Variants in ACSM4 observed in about 807,000 individuals in gnomAD.
The protein encoded by ACSM4 is acyl-coenzyme A synthetase ACSM4, mitochondrial.
Under a neutral mutation model 73.0 loss-of-function variants are expected in ACSM4, and 66 were observed. That is an observed-to-expected ratio of 0.90 (90% CI 0.74 to 1.11). The LOEUF is 1.11. Ranked by LOEUF, ACSM4 falls within the 50% of genes least tolerant of loss-of-function variation. ACSM4 has a pLI of 0.00. For synonymous variants in ACSM4, 222 were observed against 254.0 expected (o/e 0.87, Z 1.20); for missense variants, 645 against 714.4 (o/e 0.90, Z 1.11).
At position 7,318,330 on chromosome 12, in the gene ACSM4, TTTTGAAACGTA is replaced by T. The variant is rs1453944821; in HGVS notation, c.921+154_921+164del. The stretch of plus-strand genomic sequence containing the variant: ...AAAGCAAAGTCTCAAGGGCCTCAGC[TTTTGAAACGTA>T]TTTGACAGAATGGAGGGGGAACAAC... On this transcript the variant is annotated intron_variant, in intron 5 of 12. Transcript: ENST00000399422. The T allele has an allele frequency of 5.2e-6, 5 of 965,788 alleles. 1 individual carries two copies. The African/African-American group carries it at 8.2e-5, about 16-fold the overall frequency. 59.8% of individuals were successfully genotyped at this position (965,788 alleles called of 1,614,324 possible).
chr12:7,304,681 C>G (rs1330051956), intron 1 of ACSM4, 149 bp downstream of exon 1: 8 of 866,288 alleles, frequency 9.2e-6, no homozygotes, highest in African/African-American at 1.7e-5. Flanking sequence ...CCTCCCCTCT[C>G]CCCAGGGAAG....
intron 12 of ACSM4, among the ~76,000 whole-genome samples, chr12:7,328,019 TA>T (rs1474725476): frequency 1.3e-5 from 2 of 152,160 alleles, no homozygotes; most frequent in Non-Finnish European, 2.9e-5. Context: ...TAGTTTGAAC[TA>T]GGGGAAAGCA....
At chr12:7,323,696 C>A in intron 9 of ACSM4, 136 bp downstream of exon 9, 1 of 751,382 alleles carries the variant, frequency 1.3e-6, no homozygotes, top group Non-Finnish European at 2.2e-6. Flanking sequence ...TATCATCTGT[C>A]ACCCAAGAGT....
intron 5 of ACSM4, chr12:7,318,434 A>G: frequency 2.4e-6 from 1 of 420,122 alleles, no homozygotes; most frequent in South Asian, 5.3e-5. Flanking sequence ...AGTGTTGCTA[A>G]ATCTGTAGCT....
intron 11 of ACSM4, 76 bp from the exon 12 acceptor site, chr12:7,326,900 G>A (rs1946510442): frequency 1.4e-6 from 2 of 1,450,104 alleles, no homozygotes; most frequent in African/African-American, 2.9e-5. Context: ...GTAAGCACCT[G>A]TGTTCAGCAT....
intron 2 of ACSM4, among the ~76,000 whole-genome samples, chr12:7,308,443 A>C (rs1022286344): frequency 6.6e-6 from 1 of 152,198 alleles, no homozygotes; most frequent in African/African-American, 2.4e-5. Context: ...AGAATATTGA[A>C]ATTGTTTGTA....
At chr12:7,320,424 G>A (rs930575074) in intron 5 of ACSM4, among the ~76,000 whole-genome samples, 11 of 152,158 alleles carry the variant, frequency 7.2e-5, no homozygotes, top group Non-Finnish European at 1.5e-4. Flanking sequence ...TTGTAGCCCT[G>A]AGGAAGAATA....
rs1946510058 is a variant in ACSM4, at chr12:7,326,869, A to T, written c.1537-107A>T. 9.4e-6 allele frequency: 12 copies of T among 1,283,012 alleles called. No homozygotes were observed. In the South Asian group the frequency reaches 2.0e-4, roughly 21 times the overall value. 79.5% of individuals were successfully genotyped at this position (1,283,012 alleles called of 1,614,324 possible). ...AACCTCTGGCATTTGCAGTCATCACACAAACTGTTATTAATAAATAGTAAG... is the reference window on the plus strand; with the variant it reads ...AACCTCTGGCATTTGCAGTCATCACTCAAACTGTTATTAATAAATAGTAAG... On this transcript the variant is annotated intron_variant, in intron 11 of 12. Transcript: ENST00000399422.
chr12:7,306,512 T>A, intron 1 of ACSM4, 21 bp from the exon 2 acceptor site: 1 of 1,564,218 alleles, frequency 6.4e-7, no homozygotes, highest in African/African-American at 1.4e-5. Context: ...ACCCCTCTCT[T>A]TTCCATGTGT....
Position 7,306,686 on chromosome 12 carries a change from G to A in ACSM4, c.355G>A (p.Val119Met), listed in dbSNP as rs766831767. Reference sequence around the variant, plus strand: ...CCTGCAGAGAGGAGACCGTTTGGCCGTGATTCTGCCCAGAATCCCTGAGTG... The same window carrying A: ...CCTGCAGAGAGGAGACCGTTTGGCCATGATTCTGCCCAGAATCCCTGAGTG... ...CGLQRGDRLA[V>M]ILPRIPEWWL... The change falls in exon 2 of 13, where the codon GTG becomes ATG. Residue 119 changes from valine to methionine, a missense_variant. By Grantham distance (21) the Val-to-Met change is conservative. Transcript: ENST00000399422. 10 of 1,611,360 alleles carry A rather than the reference G, an allele frequency of 6.2e-6. No homozygotes were observed. Among genetic ancestry groups the A allele is most frequent in the East Asian group, 2.2e-5 (1 of 44,694 alleles).
chr12:7,323,440 A>T lies in ACSM4; in HGVS notation c.1207-19A>T. ...TGAAAAGAAAATTTTAAGACCATCA[A>T]TTATTTCTTTCATTCCAGATTATAG... On this transcript the variant is annotated intron_variant, in intron 8 of 12. Coordinates refer to ENST00000399422, the MANE Select transcript of ACSM4 (RefSeq NM_001080454.2). The T allele has an allele frequency of 6.2e-7, 1 of 1,612,206 alleles. No individual in the cohort carries two copies. Among genetic ancestry groups the T allele is most frequent in the Non-Finnish European group, 8.5e-7 (1 of 1,178,552 alleles).
rs759766161 is a variant in ACSM4 at position 7,320,835 on chromosome 12, CA to C, written c.1001+34del. On this transcript the variant is annotated intron_variant, in intron 6 of 12. Transcript: ENST00000399422. ...TGGGCAGAAATCTCCATTTGAACCA[CA>C]AACAATAGCTACCATCCAGGATCAC... The C allele has an allele frequency of 4.9e-5, 75 of 1,527,508 alleles. 1 individual carries two copies. The highest frequency in any genetic ancestry group is 6.3e-5 in the Non-Finnish European group (69 of 1,102,964). 94.6% of individuals were successfully genotyped at this position (1,527,508 alleles called of 1,614,324 possible). A position where few individuals can be genotyped will look rare whatever the true frequency, so the allele number is the denominator to read the frequency against.
In ACSM4 at chr12:7,325,349, C is replaced by A. The variant is rs751336937; in HGVS notation, c.1536+751C>A. On this transcript the variant is annotated intron_variant, in intron 11 of 12. Transcript: ENST00000399422. ...AATATCTTTTCTCACAGAAACAAGA[C>A]AAATAGAAAATGGTGGGCTGGGCAC... 5.3e-5 allele frequency among the ~76,000 whole-genome samples: 8 copies of A among 152,252 alleles called. No homozygotes were observed. The South Asian group carries it at 1.7e-3, about 32-fold the overall frequency.
chr12:7,327,096 G>C lies in ACSM4; in HGVS notation c.1656+1G>C. 1.3e-6 allele frequency: 2 copies of C among 1,597,872 alleles called. No individual in the cohort carries two copies. The highest frequency in any genetic ancestry group is 2.3e-5 in the South Asian group (2 of 87,450). On this transcript the variant is annotated splice_donor_variant, in intron 12 of 12. Coordinates refer to ENST00000399422, the MANE Select transcript of ACSM4 (RefSeq NM_001080454.2). LOFTEE classifies it high-confidence loss of function. ...TGCACCTTACAAATATCCAAGAAAG[G>C]CAAGTGCTTTGCCCAAAAGTTAAGT...
Position 7,310,645 on chromosome 12 carries a change from A to T in ACSM4, c.519A>T (p.Pro173=), listed in dbSNP as rs7968241. The T allele has an allele frequency of 0.48, 773,423 of 1,612,320 alleles. 192,649 individuals are homozygous for T. Among genetic ancestry groups the T allele is most frequent in the Non-Finnish European group, 0.52 (612,143 of 1,179,138 alleles). ...KCIVASEEVA[P]AVESIVLECP... The stretch of plus-strand genomic sequence containing the variant: ...TTGTGGCCAGTGAGGAGGTGGCCCC[A>T]GCGGTGGAGTCCATTGTATTGGAGT... Residue 173 remains proline, a synonymous_variant, in exon 3 of 13, where the codon CCA becomes CCT. Transcript: ENST00000399422.
At position 7,323,475 on chromosome 12, in the gene ACSM4, G is replaced by T; in HGVS notation, c.1223G>T (p.Gly408Val). Residue 408 changes from glycine (G) to valine (V), a missense_variant, in exon 9 of 13, where the codon GGC becomes GTC. Gly to Val is a moderately radical substitution (Grantham distance 109). Coordinates refer to ENST00000399422, the MANE Select transcript of ACSM4 (RefSeq NM_001080454.2). ...TCATTCCAGATTATAGATGAAAATG[G>T]CAATGTTCTACCACCTGGCAAAGAA... is the stretch of plus-strand genomic sequence containing the variant. ...PYDVQIIDEN[G>V]NVLPPGKEGE... The T allele has an allele frequency of 6.2e-7, 1 of 1,613,780 alleles. No individual in the cohort carries two copies. Among genetic ancestry groups the T allele is most frequent in the Non-Finnish European group, 8.5e-7 (1 of 1,179,790 alleles).
Position 7,323,474 on chromosome 12 carries a change from G to A in ACSM4, c.1222G>A (p.Gly408Ser). The A allele has an allele frequency of 6.2e-7, 1 of 1,613,812 alleles. No individual in the cohort carries two copies. The highest frequency in any genetic ancestry group is 8.5e-7 in the Non-Finnish European group (1 of 1,179,800). The change falls in exon 9 of 13, where the codon GGC (glycine) becomes AGC (serine). Residue 408 changes from glycine to serine, a missense_variant. Transcript: ENST00000399422. ...PYDVQIIDEN[G>S]NVLPPGKEGE... ...TTCATTCCAGATTATAGATGAAAAT[G>A]GCAATGTTCTACCACCTGGCAAAGA...
chr12:7,304,073 T>C lies in ACSM4; in HGVS notation c.-259T>C, dbSNP rs965502799. ...CTGACAATTCTGTAGTTAAGGGGTT[T>C]TTTTAGACTCATCTGGTCACAGACA... On this transcript the variant is annotated 5_prime_UTR_variant, in exon 1 of 13. Transcript: ENST00000399422. 2.6e-5 allele frequency among the ~76,000 whole-genome samples: 4 copies of C among 152,078 alleles called. No individual in the cohort carries two copies. The highest frequency in any genetic ancestry group is 9.7e-5 in the African/African-American group (4 of 41,402).
chr12:7,315,618 T>TA (rs1946416322), intron 3 of ACSM4, among the ~76,000 whole-genome samples: 1 of 151,452 alleles, frequency 6.6e-6, no homozygotes, highest in African/African-American at 2.4e-5. Context: ...TTGCAAAAAA[T>TA]AAAAAAATAA....
Sources: allele counts gnomAD v4.1 joint callset (sites outside exome capture counted in the v4.1 genomes callset), GRCh38; gene constraint gnomAD v4.1.1; transcripts MANE v1.5; gene names NCBI Gene and HGNC (gene_info 2026-07-23, HGNC 2026-07-21).